Variants in FEZ1 observed in about 807,000 individuals in gnomAD.
FEZ1 encodes the protein fasciculation and elongation protein zeta 1.
FEZ1 carries 20 observed loss-of-function variants against 49.3 expected under a neutral mutation model. The observed-to-expected ratio is 0.41, with a 90% CI of 0.29 to 0.59. The LOEUF (loss-of-function observed/expected upper bound fraction) is 0.59, where lower values mean the gene tolerates loss of function less well. Among genes scored for constraint, FEZ1 ranks in the 20% least tolerant of loss-of-function variants. The pLI is 0.36. For missense variants in FEZ1, 413 were observed against 476.0 expected (o/e 0.87, Z 1.23); for synonymous variants, 170 against 180.9 (o/e 0.94, Z 0.48).
At chr11:125,483,526 T>C (rs1207135275) in intron 2 of FEZ1, among the ~76,000 whole-genome samples, 1 of 152,232 alleles carries the variant, frequency 6.6e-6, no homozygotes, top group Non-Finnish European at 1.5e-5. Flanking sequence ...AGGCTAATTC[T>C]AAATCCAAGT....
Position 125,489,568 on chromosome 11 carries a change from G to A in FEZ1, c.210C>T (p.Leu70=), listed in dbSNP as rs762643590. ...EDLVNEFDEK[L]NVCFRNYNAK... is the part of the protein sequence containing the mutation. ...CGTTGTAGTTCCGAAAGCAGACATT[G>A]AGCTTCTCATCAAATTCATTTACGA... is the stretch of plus-strand genomic sequence containing the variant. The change falls in exon 2 of 10, where the codon CTC becomes CTT. Residue 70 remains leucine (L), a synonymous_variant. Coordinates refer to ENST00000278919, the MANE Select transcript of FEZ1 (RefSeq NM_005103.5). This position sits in a 1 kb window ranked among gnomAD's most constrained non-coding sequence, Gnocchi z 4.2. 4.3e-6 allele frequency: 7 copies of A among 1,614,166 alleles called. No homozygotes were observed. In the South Asian group the frequency reaches 5.5e-5, roughly 13 times the overall value.
intron 3 of FEZ1, among the ~76,000 whole-genome samples, chr11:125,480,963 C>T (rs528878017): frequency 6.6e-5 from 10 of 151,742 alleles, no homozygotes; most frequent in African/African-American, 1.7e-4. Flanking sequence ...CCCTTGAACC[C>T]GGGAGGCGAA....
Position 125,443,067 on chromosome 11 carries a change from C to G in FEZ1, c.*3028G>C, listed in dbSNP as rs1956870172. Among the ~76,000 whole-genome samples, 1 of 152,116 alleles carries G rather than the reference C, an allele frequency of 6.6e-6. No individual in the cohort carries two copies. Among genetic ancestry groups the G allele is most frequent in the Non-Finnish European group, 1.5e-5 (1 of 68,030 alleles). ...TGGAGTTTTCTTACCAGAACTTGAC[C>G]AGACTAGGCCTAGCAAAATCCTTTA... is the stretch of plus-strand genomic sequence containing the variant. On this transcript the variant is annotated 3_prime_UTR_variant, in exon 10 of 10. Transcript: ENST00000278919.
Position 125,495,268 on chromosome 11 carries a change from C to T in FEZ1, c.-46+853G>A. ...GGACTCATCCCGTGCAGGCCGCATA[C>T]ACACTCCACTGCCCTTCCGGCCAAA... On this transcript the variant is annotated intron_variant, in intron 1 of 9. Transcript: ENST00000278919. The surrounding 1 kb of genome is among the most constrained non-coding windows in gnomAD (Gnocchi z 4.2). The T allele has an allele frequency of 2.4e-6, 1 of 422,044 alleles. No homozygotes were observed. Among genetic ancestry groups the T allele is most frequent in the Non-Finnish European group, 5.0e-6 (1 of 200,082 alleles). 26.1% of individuals were successfully genotyped at this position (422,044 alleles called of 1,614,324 possible).
intron 1 of FEZ1, among the ~76,000 whole-genome samples, chr11:125,493,417 A>AGAAG (rs1555043697): frequency 5.6e-4 from 29 of 51,514 alleles, no homozygotes; most frequent in South Asian, 2.1e-3. Flanking sequence ...AAAGAAAGAA[A>AGAAG]GAAAGAAGGA....
Position 125,445,983 on chromosome 11 carries a change from A to G in FEZ1, c.*112T>C. ...GCTTGCTCGTGTTTAATCCAGGTTA[A>G]GCTATACACGTTTAAATACATGTCG... On this transcript the variant is annotated 3_prime_UTR_variant, in exon 10 of 10. Coordinates refer to ENST00000278919, the MANE Select transcript of FEZ1 (RefSeq NM_005103.5). The surrounding 1 kb of genome is among the most constrained non-coding windows in gnomAD (Gnocchi z 4.4). 1 of 1,110,266 alleles carries G rather than the reference A, an allele frequency of 9.0e-7. No individual in the cohort carries two copies. The highest frequency in any genetic ancestry group is 1.4e-6 in the Non-Finnish European group (1 of 723,262). 68.8% of individuals were successfully genotyped at this position (1,110,266 alleles called of 1,614,324 possible).
intron 3 of FEZ1, among the ~76,000 whole-genome samples, chr11:125,469,869 C>A (rs1205026944): frequency 6.6e-6 from 1 of 151,856 alleles, no homozygotes; most frequent in Non-Finnish European, 1.5e-5. Flanking sequence ...CACTCCATCC[C>A]CTGGCTACCT....
At chr11:125,475,760 C>T (rs1402315723) in intron 3 of FEZ1, among the ~76,000 whole-genome samples, 11 of 151,620 alleles carry the variant, frequency 7.3e-5, no homozygotes, top group Admixed American at 6.6e-4. Context: ...AAAAGTTGAA[C>T]ATACACCTAC....
chr11:125,495,914 T>C lies in FEZ1; in HGVS notation c.-46+207A>G. On this transcript the variant is annotated intron_variant, in intron 1 of 9. Coordinates refer to ENST00000278919, the MANE Select transcript of FEZ1 (RefSeq NM_005103.5). This position sits in a 1 kb window ranked among gnomAD's most constrained non-coding sequence, Gnocchi z 4.2. ...CACATCTCCAGGGCCTGGCGCGGCG[T>C]CCCAGCTGCGCTCCCTGAAGGGCTG... The C allele has an allele frequency of 3.8e-6, 1 of 260,928 alleles. No individual in the cohort carries two copies. The highest frequency in any genetic ancestry group is 7.5e-6 in the Non-Finnish European group (1 of 133,394). 16.2% of individuals were successfully genotyped at this position (260,928 alleles called of 1,614,324 possible).
chr11:125,455,911 A>C lies in FEZ1; in HGVS notation c.863T>G (p.Met288Arg), dbSNP rs768989637. ...QNKQKEQREL[M>R]KKRRKEKGLS... The stretch of plus-strand genomic sequence containing the variant: ...CCCTTTCTCTTTCCGCCTCTTTTTC[A>C]TCAGTTCTCGCTGCTCCTTCTGCTT... The change falls in exon 6 of 10, where the codon ATG becomes AGG. Residue 288 changes from methionine to arginine, a missense_variant. Transcript: ENST00000278919. 1 of 1,613,138 alleles carries C rather than the reference A, an allele frequency of 6.2e-7. No homozygotes were observed. Among genetic ancestry groups the C allele is most frequent in the Admixed American group, 1.7e-5 (1 of 59,896 alleles).
chr11:125,454,065 G>A (rs1956983776), intron 7 of FEZ1, 65 bp downstream of exon 7: 15 of 1,107,586 alleles, frequency 1.4e-5, no homozygotes, highest in Non-Finnish European at 2.0e-5. Context: ...GTCCCCCTGC[G>A]TTGCTGGGGA....
At chr11:125,462,803 A>T (rs1957088642) in intron 4 of FEZ1, among the ~76,000 whole-genome samples, 1 of 152,054 alleles carries the variant, frequency 6.6e-6, no homozygotes, top group Non-Finnish European at 1.5e-5. Flanking sequence ...GTTTGAGACC[A>T]GCCTGGGCAG....
intron 9 of FEZ1, 108 bp downstream of exon 9, chr11:125,448,394 G>C (rs372280180): frequency 1.4e-6 from 1 of 714,056 alleles, no homozygotes; most frequent in Non-Finnish European, 2.5e-6. Context: ...TGATTTCCCT[G>C]GCCCCTGCCT....
At chr11:125,481,441 A>G (rs760997973) in intron 3 of FEZ1, 93 bp downstream of exon 3, 80 of 828,712 alleles carry the variant, frequency 9.7e-5, no homozygotes, top group Admixed American at 4.1e-4. Flanking sequence ...GCCTCCATCA[A>G]CAATTTTGAG....
intron 3 of FEZ1, among the ~76,000 whole-genome samples, chr11:125,466,498 AC>A (rs1957131355): frequency 6.6e-6 from 1 of 152,044 alleles, no homozygotes; most frequent in South Asian, 2.1e-4. Context: ...AAAAAAAAAA[AC>A]ACCTTGCTAG....
In FEZ1 at chr11:125,452,318, A is replaced by G. The variant is rs1489035285; in HGVS notation, c.1096+16T>C. ...AAAAGGAGCCACTGATCTGGCTGAG[A>G]ACAAGAGGAACTCACTGTTTGTCAG... On this transcript the variant is annotated intron_variant, in intron 8 of 9. Coordinates refer to ENST00000278919, the MANE Select transcript of FEZ1 (RefSeq NM_005103.5). 1.9e-6 allele frequency: 3 copies of G among 1,571,896 alleles called. No homozygotes were observed. The highest frequency in any genetic ancestry group is 2.6e-6 in the Non-Finnish European group (3 of 1,141,464).
At chr11:125,479,524 C>T (rs967376001) in intron 3 of FEZ1, among the ~76,000 whole-genome samples, 2 of 152,176 alleles carry the variant, frequency 1.3e-5, no homozygotes, top group African/African-American at 4.8e-5. Flanking sequence ...TTATCTTTTG[C>T]TGTGCTCTGA....
chr11:125,490,877 C>G (rs1957374926), intron 1 of FEZ1, among the ~76,000 whole-genome samples: 1 of 152,092 alleles, frequency 6.6e-6, no homozygotes, highest in Non-Finnish European at 1.5e-5. Context: ...AATCCTCATG[C>G]CTTGGCCTCC....
In FEZ1 at chr11:125,495,081, G is replaced by A. The variant is rs978577651; in HGVS notation, c.-46+1040C>T. ...CACATTTTGACAGAAAAAGTATTTC[G>A]TTGCATATGGATCAGCAACCCCTTC... On this transcript the variant is annotated intron_variant, in intron 1 of 9. Coordinates refer to ENST00000278919, the MANE Select transcript of FEZ1 (RefSeq NM_005103.5). This position sits in a 1 kb window ranked among gnomAD's most constrained non-coding sequence, Gnocchi z 4.2. 1.2e-5 allele frequency: 4 copies of A among 335,374 alleles called. No homozygotes were observed. The highest frequency in any genetic ancestry group is 2.2e-5 in the African/African-American group (1 of 46,170). 20.8% of individuals were successfully genotyped at this position (335,374 alleles called of 1,614,324 possible).
Sources: allele counts gnomAD v4.1 joint callset (sites outside exome capture counted in the v4.1 genomes callset), GRCh38; gene constraint gnomAD v4.1.1; non-coding constraint Gnocchi (gnomAD v3.1); transcripts MANE v1.5; gene names NCBI Gene and HGNC (gene_info 2026-07-23, HGNC 2026-07-21).